Variants in BAZ1A observed in about 807,000 individuals in gnomAD.
BAZ1A encodes bromodomain adjacent to zinc finger domain 1A.
BAZ1A carries 50 observed loss-of-function variants against 185.2 expected under a neutral mutation model. The ratio of observed to expected loss-of-function variants is 0.27; its 90% CI spans 0.22 to 0.34. The LOEUF (loss-of-function observed/expected upper bound fraction) is 0.34, where lower values mean the gene tolerates loss of function less well. Among genes scored for constraint, BAZ1A ranks in the 10% least tolerant of loss-of-function variants. The pLI is 1.00. For missense variants in BAZ1A, 1,356 were observed against 1,839.9 expected (o/e 0.74, Z 4.81); for synonymous variants, 571 against 615.6 (o/e 0.93, Z 1.07).
At chr14:34,755,058 GATATAT>G in intron 25 of BAZ1A, 144 bp from the exon 26 acceptor site, 1 of 548,498 alleles carries the variant, frequency 1.8e-6, no homozygotes, top group East Asian at 3.0e-5. Context: ...TCTCTATATA[GATATAT>G]ATGTCTATAT....
chr14:34,867,033 G>A (rs931111151), intron 2 of BAZ1A, among the ~76,000 whole-genome samples: 1 of 151,778 alleles, frequency 6.6e-6, no homozygotes, highest in Non-Finnish European at 1.5e-5. Context: ...GCCGAGGCAG[G>A]CAGATCGCGA....
At position 34,874,365 on chromosome 14, in the gene BAZ1A, G is replaced by C; in HGVS notation, c.113+127C>G. The C allele has an allele frequency of 5.5e-6, 5 of 911,958 alleles. No individual in the cohort carries two copies. In the South Asian group the frequency reaches 5.8e-5, roughly 11 times the overall value. The allele number at this position is 911,958 out of a possible 1,614,324, so 56.5% of individuals were successfully genotyped here. A position where few individuals can be genotyped will look rare whatever the true frequency, so the allele number is the denominator to read the frequency against. ...CCAGGAGGCAGAGAACCGCGGGCCC[G>C]GGGGCCACCCGTCACTTTCAAGTCG... On this transcript the variant is annotated intron_variant, in intron 2 of 26. Transcript: ENST00000360310. This position sits in a 1 kb window ranked among gnomAD's most constrained non-coding sequence, Gnocchi z 4.7.
chr14:34,767,204 C>A (rs2047053816), intron 21 of BAZ1A, among the ~76,000 whole-genome samples: 1 of 152,132 alleles, frequency 6.6e-6, no homozygotes, highest in Non-Finnish European at 1.5e-5. Flanking sequence ...TTAATACAGT[C>A]TTTTCTTCTA....
chr14:34,827,502 G>A (rs546552903), intron 3 of BAZ1A, among the ~76,000 whole-genome samples: 3 of 152,200 alleles, frequency 2.0e-5, no homozygotes, highest in South Asian at 2.1e-4. Context: ...TTGGGAGGCC[G>A]AGGCGGGTGG....
intron 2 of BAZ1A, among the ~76,000 whole-genome samples, chr14:34,862,785 A>T (rs796673176): frequency 1.8e-4 from 6 of 34,250 alleles, no homozygotes; most frequent in African/African-American, 2.2e-4. Context: ...TTTGTGTTAT[A>T]AAAAAAAAAA....
At chr14:34,865,221 CTGTG>C (rs898623763) in intron 2 of BAZ1A, among the ~76,000 whole-genome samples, 1 of 152,136 alleles carries the variant, frequency 6.6e-6, no homozygotes, top group African/African-American at 2.4e-5. Flanking sequence ...GCACTCCAGC[CTGTG>C]TAAGAGTGAG....
At chr14:34,830,028 T>C (rs912411873) in intron 3 of BAZ1A, among the ~76,000 whole-genome samples, 4 of 152,186 alleles carry the variant, frequency 2.6e-5, no homozygotes, top group African/African-American at 7.2e-5. Flanking sequence ...GGAGGTTTAA[T>C]CTCTATTGAG....
At chr14:34,800,472 T>C in intron 8 of BAZ1A, 82 bp from the exon 9 acceptor site, 1 of 1,111,374 alleles carries the variant, frequency 9.0e-7, no homozygotes, top group Non-Finnish European at 1.3e-6. Flanking sequence ...AACAGAATCC[T>C]TGAAATAATT....
chr14:34,860,759 G>T (rs1400309125), intron 3 of BAZ1A, among the ~76,000 whole-genome samples: 1 of 151,334 alleles, frequency 6.6e-6, no homozygotes, highest in Non-Finnish European at 1.5e-5. Context: ...TTAGCTGGGT[G>T]TGGTGGTGGG....
At chr14:34,763,007 A>G (rs1886589087) in intron 23 of BAZ1A, among the ~76,000 whole-genome samples, 1 of 152,200 alleles carries the variant, frequency 6.6e-6, no homozygotes, top group Admixed American at 6.5e-5. Flanking sequence ...GTGGCTGCCA[A>G]TGAAGTGGGC....
In BAZ1A at chr14:34,810,977, T is replaced by G. The variant is rs774795254; in HGVS notation, c.596A>C (p.Lys199Thr). ...AACAATAGCAGACTCATGTAATTCT[T>G]TTTTAGTGGGTTGCACTTTATACTT... ...LFKYKVQPTK[K>T]ELHESAIVKA... The change falls in exon 5 of 27, where the codon AAA (lysine) becomes ACA (threonine). Residue 199 changes from lysine (K) to threonine (T), a missense_variant. Around this residue, in one of 7 missense-constraint regions of BAZ1A, gnomAD observed 332 missense variants for 395.3 expected, o/e 0.84. Transcript: ENST00000360310. 6.2e-7 allele frequency: 1 copy of G among 1,610,854 alleles called. No homozygotes were observed. The highest frequency in any genetic ancestry group is 1.7e-5 in the Admixed American group (1 of 59,824).
chr14:34,753,764 A>G (rs1886119993), intron 26 of BAZ1A, 60 bp from the exon 27 acceptor site: 5 of 1,300,254 alleles, frequency 3.8e-6, no homozygotes. Flanking sequence ...AATAAATATA[A>G]TTCTTGTATC....
chr14:34,807,210 A>G (rs1027322889), intron 6 of BAZ1A, among the ~76,000 whole-genome samples: 6 of 151,050 alleles, frequency 4.0e-5, no homozygotes, highest in Non-Finnish European at 8.8e-5. Context: ...CAAATTTTCT[A>G]TTTTCACCTG....
rs192459259 is a variant in BAZ1A at position 34,775,283 on chromosome 14, C to A, written c.2833+636G>T. Among the ~76,000 whole-genome samples, 1,149 of 152,160 alleles carry A rather than the reference C, an allele frequency of 7.6e-3. 13 individuals carry two copies. The highest frequency in any genetic ancestry group is 1.0e-2 in the Non-Finnish European group (678 of 67,996). On this transcript the variant is annotated intron_variant, in intron 18 of 26. Transcript: ENST00000360310. ...AAACTGAAGTGGTCATGGTAACATG[C>A]CCCTAAATTTAAGCAATTCTTTTTA...
At chr14:34,772,802 A>AGG (rs1879311631) in intron 20 of BAZ1A, among the ~76,000 whole-genome samples, 2 of 152,194 alleles carry the variant, frequency 1.3e-5, no homozygotes, top group Admixed American at 6.5e-5. Context: ...AGGCCGAGGC[A>AGG]GGGCATCACA....
chr14:34,789,948 TCA>T (rs879436452), intron 12 of BAZ1A, among the ~76,000 whole-genome samples: 3 of 152,178 alleles, frequency 2.0e-5, no homozygotes, highest in Non-Finnish European at 2.9e-5. Context: ...AAACTAAGCC[TCA>T]GTTTCTTTAT....
intron 25 of BAZ1A, among the ~76,000 whole-genome samples, chr14:34,756,466 ATTT>A (rs1158606061): frequency 7.6e-5 from 6 of 79,016 alleles, no homozygotes; most frequent in Non-Finnish European, 1.1e-4. Context: ...CAGAATACCT[ATTT>A]TTTTTTTTTT....
rs115796593 is a variant in BAZ1A at position 34,812,017 on chromosome 14, A to C, written c.537-981T>G. Among the ~76,000 whole-genome samples, 339 of 152,288 alleles carry C rather than the reference A, an allele frequency of 2.2e-3. 1 individual carries two copies. Among genetic ancestry groups the C allele is most frequent in the African/African-American group, 7.5e-3 (313 of 41,558 alleles). Reference sequence around the variant, plus strand: ...GTTAAGAGCCCGCAATATGCCAGAAACTACTCTAAATAGTGAAGATTCAGC... The same window carrying C: ...GTTAAGAGCCCGCAATATGCCAGAACCTACTCTAAATAGTGAAGATTCAGC... On this transcript the variant is annotated intron_variant, in intron 4 of 26. Coordinates refer to ENST00000360310, the MANE Select transcript of BAZ1A (RefSeq NM_013448.3).
chr14:34,787,542 G>A (rs1016388843), intron 12 of BAZ1A, among the ~76,000 whole-genome samples: 3 of 151,582 alleles, frequency 2.0e-5, no homozygotes, highest in Non-Finnish European at 4.4e-5. Context: ...AATTAGCTGG[G>A]CGTGGTGGCA....
Sources: allele counts gnomAD v4.1 joint callset (sites outside exome capture counted in the v4.1 genomes callset), GRCh38; gene constraint gnomAD v4.1.1; regional missense constraint gnomAD v4.1.1; non-coding constraint Gnocchi (gnomAD v3.1); transcripts MANE v1.5; gene names NCBI Gene and HGNC (gene_info 2026-07-23, HGNC 2026-07-21).